RABGAP1L: variants seen among roughly 807,000 people sequenced by gnomAD.
The protein encoded by RABGAP1L is rab GTPase-activating protein 1-like.
Under a neutral mutation model 137.7 loss-of-function variants are expected in RABGAP1L, and 63 were observed. The observed-to-expected ratio is 0.46, with a 90% CI of 0.37 to 0.56. The LOEUF is 0.56. Among genes scored for constraint, RABGAP1L ranks in the 20% least tolerant of loss-of-function variants. The pLI, the probability that RABGAP1L is intolerant of heterozygous loss-of-function variation, is 0.00. For synonymous variants in RABGAP1L, 431 were observed against 433.7 expected (o/e 0.99, Z 0.08); for missense variants, 1,095 against 1,244.0 (o/e 0.88, Z 1.80).
In RABGAP1L at chr1:174,686,648, C is replaced by CTTTTTTTTTTTTTTTTTTTTTTTTT. The variant is rs533716511; in HGVS notation, c.1899+3055_1899+3079dup. ...GAAGCTTTGGTTTGAACAAAGCAAT[C>CTTTTTTTTTTTTTTTTTTTTTTTTT]TTTTTTTTTTTTTTTTTTTTTTTTT... On this transcript the variant is annotated intron_variant, in intron 15 of 25. Coordinates refer to ENST00000681986, the MANE Select transcript of RABGAP1L (RefSeq NM_001366446.1). Among the ~76,000 whole-genome samples, 8 of 105,770 alleles carry CTTTTTTTTTTTTTTTTTTTTTTTTT rather than the reference C, an allele frequency of 7.6e-5. 2 individuals carry two copies. The highest frequency in any genetic ancestry group is 6.3e-5 in the Non-Finnish European group (3 of 47,678). The allele number at this position is 105,770 out of a possible 152,430, so 69.4% of individuals were successfully genotyped here.
intron 13 of RABGAP1L, among the ~76,000 whole-genome samples, chr1:174,421,479 G>A (rs141334615): frequency 6.6e-6 from 1 of 152,254 alleles, no homozygotes; most frequent in African/African-American, 2.4e-5. Flanking sequence ...TATTTTCAGT[G>A]TTCTTCATTC....
intron 25 of RABGAP1L, among the ~76,000 whole-genome samples, chr1:174,989,511 A>C (rs1671897817): frequency 6.6e-6 from 1 of 152,230 alleles, no homozygotes; most frequent in Non-Finnish European, 1.5e-5. Flanking sequence ...ACTATCAGTA[A>C]AAATTCATCC....
intron 15 of RABGAP1L, among the ~76,000 whole-genome samples, chr1:174,685,925 T>C (rs1007451700): frequency 1.2e-4 from 18 of 152,212 alleles, no homozygotes; most frequent in African/African-American, 2.2e-4. Context: ...GGTGGAGATA[T>C]ATGTTCAGCA....
intron 4 of RABGAP1L, among the ~76,000 whole-genome samples, chr1:174,241,235 G>A (rs957729528): frequency 2.0e-5 from 3 of 152,014 alleles, no homozygotes; most frequent in Non-Finnish European, 2.9e-5. Context: ...CAGGAGAATC[G>A]CTTGAACTCG....
chr1:174,780,093 A>AATAT (rs1558070359), intron 18 of RABGAP1L, among the ~76,000 whole-genome samples: 1 of 149,452 alleles, frequency 6.7e-6, no homozygotes, highest in East Asian at 1.9e-4. Context: ...TAAATAAATA[A>AATAT]ATAAATAAAT....
Position 174,961,915 on chromosome 1 carries a change from G to A in RABGAP1L, c.2433+4366G>A, listed in dbSNP as rs564356701. Among the ~76,000 whole-genome samples, 7 of 151,450 alleles carry A rather than the reference G, an allele frequency of 4.6e-5. No homozygotes were observed. The South Asian group carries it at 1.0e-3, about 23-fold the overall frequency. The stretch of plus-strand genomic sequence containing the variant: ...CTCACGCCTGTAATCCCAGCACTTT[G>A]GGAGGCAGAGGTGGGCAGATCACAA... On this transcript the variant is annotated intron_variant, in intron 20 of 25. Coordinates refer to ENST00000681986, the MANE Select transcript of RABGAP1L (RefSeq NM_001366446.1).
At chr1:174,624,876 T>C (rs1198487841) in intron 13 of RABGAP1L, among the ~76,000 whole-genome samples, 1 of 150,092 alleles carries the variant, frequency 6.7e-6, no homozygotes, top group East Asian at 1.9e-4. Context: ...ATCTTGCCTT[T>C]TTTTTTTTTT....
chr1:174,707,235 GT>G (rs765526935), intron 17 of RABGAP1L, among the ~76,000 whole-genome samples: 10 of 151,970 alleles, frequency 6.6e-5, no homozygotes, highest in South Asian at 2.1e-4. Context: ...GTTTTGTTTT[GT>G]TTTGTTTTGT....
intron 13 of RABGAP1L, among the ~76,000 whole-genome samples, chr1:174,502,481 T>C (rs994499503): frequency 6.6e-6 from 1 of 150,890 alleles, no homozygotes; most frequent in African/African-American, 2.4e-5. Flanking sequence ...GGAATACCTT[T>C]ATTGTGAATG....
At chr1:174,980,531 A>G (rs539734552) in intron 23 of RABGAP1L, among the ~76,000 whole-genome samples, 1 of 152,356 alleles carries the variant, frequency 6.6e-6, no homozygotes, top group East Asian at 1.9e-4. Context: ...GAAGATAAAG[A>G]AGAGGATGGA....
chr1:174,811,700 C>A, intron 18 of RABGAP1L, 132 bp from the exon 19 acceptor site: 1 of 873,460 alleles, frequency 1.1e-6, no homozygotes, highest in Non-Finnish European at 1.6e-6. Flanking sequence ...GAAATATCTT[C>A]TTAAAATGTT....
At chr1:174,864,464 TAC>T (rs1232411040) in intron 19 of RABGAP1L, among the ~76,000 whole-genome samples, 3 of 152,188 alleles carry the variant, frequency 2.0e-5, no homozygotes, top group African/African-American at 7.2e-5. Context: ...TCAGGAAACT[TAC>T]AGTTACTGCA....
intron 12 of RABGAP1L, among the ~76,000 whole-genome samples, chr1:174,391,968 C>T (rs1020074803): frequency 2.6e-5 from 4 of 152,084 alleles, no homozygotes; most frequent in Non-Finnish European, 5.9e-5. Context: ...CAAAAAGATC[C>T]TTTTATGACT....
intron 18 of RABGAP1L, among the ~76,000 whole-genome samples, chr1:174,756,471 T>TATA (rs1478169641): frequency 6.6e-6 from 1 of 150,744 alleles, no homozygotes; most frequent in Non-Finnish European, 1.5e-5. Flanking sequence ...ATATATATAT[T>TATA]TTTTTTTGAA....
chr1:174,555,677 A>G (rs547423283), intron 13 of RABGAP1L, among the ~76,000 whole-genome samples: 2 of 152,304 alleles, frequency 1.3e-5, no homozygotes, highest in Admixed American at 1.3e-4. Context: ...TGAAGAGAAA[A>G]AAGATCACTT....
intron 17 of RABGAP1L, among the ~76,000 whole-genome samples, chr1:174,741,204 A>G (rs921215029): frequency 2.0e-5 from 3 of 151,996 alleles, no homozygotes; most frequent in Non-Finnish European, 2.9e-5. Flanking sequence ...TAATATTTCT[A>G]TAGTATCAGG....
chr1:174,399,052 T>C (rs188377236), intron 13 of RABGAP1L, among the ~76,000 whole-genome samples: 7 of 152,292 alleles, frequency 4.6e-5, no homozygotes, highest in African/African-American at 1.7e-4. Flanking sequence ...ATCAAAAACA[T>C]TTTCATACAA....
chr1:174,832,055 G>A (rs1026649310), intron 19 of RABGAP1L, among the ~76,000 whole-genome samples: 1 of 147,906 alleles, frequency 6.8e-6, no homozygotes, highest in Admixed American at 6.8e-5. Context: ...CACTTTGGGA[G>A]GCCAAGGCAG....
At chr1:174,318,988 G>C (rs1426833587) in intron 11 of RABGAP1L, among the ~76,000 whole-genome samples, 2 of 151,834 alleles carry the variant, frequency 1.3e-5, no homozygotes, top group African/African-American at 4.8e-5. Context: ...CCTTCATACT[G>C]AAGATGTAAG....
Sources: allele counts gnomAD v4.1 joint callset (sites outside exome capture counted in the v4.1 genomes callset), GRCh38; gene constraint gnomAD v4.1.1; transcripts MANE v1.5; gene names NCBI Gene and HGNC (gene_info 2026-07-23, HGNC 2026-07-21).